Variants in COL25A1 observed in about 807,000 individuals in gnomAD.
The protein encoded by COL25A1 is collagen alpha-1(XXV) chain.
A neutral mutation model predicts 128.4 loss-of-function variants in COL25A1; 103 were observed. The ratio of observed to expected loss-of-function variants is 0.80; its 90% confidence interval spans 0.68 to 0.94. COL25A1 has a LOEUF of 0.94. Ranked by LOEUF, COL25A1 falls within the 40% of genes least tolerant of loss-of-function variation. The probability of loss-of-function intolerance (pLI) is 0.00; values close to 1 mark genes in which losing one functional copy is unlikely to be tolerated. For synonymous variants in COL25A1, 279 were observed against 277.2 expected, an observed-to-expected ratio of 1.01 and a Z score of -0.06; for missense variants, 745 against 840.0, an observed-to-expected ratio of 0.89 and a Z score of 1.40.
chr4:108,967,029 T>A (rs761541731), intron 8 of COL25A1, among the ~76,000 whole-genome samples: 13 of 152,124 alleles, frequency 8.5e-5, no homozygotes, highest in Non-Finnish European at 1.6e-4. Context: ...CTTTACAGGA[T>A]AAATGAGAGA....
chr4:108,922,496 A>G (rs1745595965), intron 11 of COL25A1, among the ~76,000 whole-genome samples: 1 of 152,222 alleles, frequency 6.6e-6, no homozygotes, highest in South Asian at 2.1e-4. Flanking sequence ...TGTCTATTTC[A>G]TCACACGGAT....
intron 16 of COL25A1, among the ~76,000 whole-genome samples, chr4:108,892,924 C>T (rs934118258): frequency 1.3e-5 from 2 of 151,934 alleles, no homozygotes; most frequent in African/African-American, 2.4e-5. Flanking sequence ...AGTCAGGGGG[C>T]GGAGGACAGA....
At chr4:108,911,848 C>T (rs948451743) in intron 13 of COL25A1, among the ~76,000 whole-genome samples, 9 of 142,342 alleles carry the variant, frequency 6.3e-5, no homozygotes, top group African/African-American at 2.4e-4. Context: ...GCTTTACTTC[C>T]TCAGCTACCC....
At chr4:108,848,870 A>C in intron 26 of COL25A1, 67 bp from the exon 27 acceptor site, 1 of 1,231,390 alleles carries the variant, frequency 8.1e-7, no homozygotes, top group Non-Finnish European at 1.2e-6. Flanking sequence ...ACATAAAAAA[A>C]CGATGCTAGT....
chr4:109,162,968 T>C (rs1267964377), intron 3 of COL25A1, among the ~76,000 whole-genome samples: 1 of 152,220 alleles, frequency 6.6e-6, no homozygotes, highest in African/African-American at 2.4e-5. Flanking sequence ...CATGCATTAG[T>C]TCCTATGTCC....
At chr4:108,981,133 T>C (rs1050282461) in intron 6 of COL25A1, among the ~76,000 whole-genome samples, 1 of 152,230 alleles carries the variant, frequency 6.6e-6, no homozygotes, top group Non-Finnish European at 1.5e-5. Context: ...CAAATAGTAT[T>C]AACAATTGAA....
chr4:109,272,663 T>C (rs1344665546), intron 3 of COL25A1, among the ~76,000 whole-genome samples: 5 of 152,172 alleles, frequency 3.3e-5, no homozygotes, highest in African/African-American at 1.2e-4. Context: ...AGAAATTAAA[T>C]AATTGAGATG....
intron 16 of COL25A1, among the ~76,000 whole-genome samples, chr4:108,891,367 C>G (rs1285267008): frequency 6.6e-6 from 1 of 152,172 alleles, no homozygotes; most frequent in Non-Finnish European, 1.5e-5. Context: ...TACTGTCTTA[C>G]TGTAGAATGA....
chr4:109,268,336 G>C (rs985306253), intron 3 of COL25A1, among the ~76,000 whole-genome samples: 1 of 151,990 alleles, frequency 6.6e-6, no homozygotes, highest in Non-Finnish European at 1.5e-5. Flanking sequence ...GTATCCATTT[G>C]ATGCTGTAAA....
chr4:108,868,402 C>T (rs1372690537), intron 20 of COL25A1, among the ~76,000 whole-genome samples: 1 of 151,394 alleles, frequency 6.6e-6, no homozygotes, highest in Non-Finnish European at 1.5e-5. Flanking sequence ...ATATGGTCAC[C>T]TAAATTACCA....
At position 108,809,097 on chromosome 4, in the gene COL25A1, T is replaced by C. The variant is rs970496685; in HGVS notation, c.*4830A>G. On this transcript the variant is annotated 3_prime_UTR_variant, in exon 38 of 38. Transcript: ENST00000399132. The stretch of plus-strand genomic sequence containing the variant: ...CAGGTTTGTGCCATATTTACAGTGA[T>C]AAGACACAACACATTCTTAGAATAA... The C allele has an allele frequency of 9.2e-5, 14 of 152,180 alleles. No individual in the cohort carries two copies. Among genetic ancestry groups the C allele is most frequent in the Admixed American group, 7.2e-4 (11 of 15,278 alleles). The allele number at this position is 152,180 out of a possible 1,614,324, so 9.4% of individuals were successfully genotyped here.
chr4:108,899,560 T>C (rs902291486), intron 14 of COL25A1, among the ~76,000 whole-genome samples: 3 of 152,154 alleles, frequency 2.0e-5, no homozygotes, highest in Non-Finnish European at 4.4e-5. Context: ...TGGACTAGCA[T>C]GTTTTTCTGA....
At chr4:108,882,259 C>CTTT (rs10630143) in intron 19 of COL25A1, among the ~76,000 whole-genome samples, 2,629 of 143,374 alleles carry the variant, frequency 0.018, 59 homozygotes, top group East Asian at 0.069. Context: ...ATCAAAATTG[C>CTTT]TTTTTTTTTT....
chr4:109,026,426 G>C (rs746053257), intron 5 of COL25A1, among the ~76,000 whole-genome samples: 2 of 152,144 alleles, frequency 1.3e-5, no homozygotes, highest in Non-Finnish European at 2.9e-5. Context: ...TAAGCAGTGA[G>C]GTGAGGAAAT....
At chr4:109,046,005 G>A (rs1053215354) in intron 5 of COL25A1, among the ~76,000 whole-genome samples, 6 of 152,090 alleles carry the variant, frequency 3.9e-5, no homozygotes, top group African/African-American at 1.4e-4. Flanking sequence ...AATGATCCAT[G>A]TTATAACACA....
intron 6 of COL25A1, among the ~76,000 whole-genome samples, chr4:109,009,940 CTA>C (rs1408003021): frequency 3.9e-5 from 6 of 152,262 alleles, no homozygotes; most frequent in Admixed American, 3.9e-4. Flanking sequence ...CAATATCTGT[CTA>C]TAATGAATCA....
In COL25A1 at chr4:108,810,697, A is replaced by G. The variant is rs768044846; in HGVS notation, c.*3230T>C. On this transcript the variant is annotated 3_prime_UTR_variant, in exon 38 of 38. Transcript: ENST00000399132. ...ATAAAGGCATATGATGTATGAAATG[A>G]ATATGAAATAGGAGGATCCATGATC... 2 of 152,010 alleles carry G rather than the reference A, an allele frequency of 1.3e-5. No homozygotes were observed. The highest frequency in any genetic ancestry group is 2.9e-5 in the Non-Finnish European group (2 of 67,856). 9.4% of individuals were successfully genotyped at this position (152,010 alleles called of 1,614,324 possible). A position where few individuals can be genotyped will look rare whatever the true frequency, so the allele number is the denominator to read the frequency against.
At chr4:109,298,542 C>A (rs1725211607) in intron 3 of COL25A1, among the ~76,000 whole-genome samples, 1 of 152,154 alleles carries the variant, frequency 6.6e-6, no homozygotes, top group African/African-American at 2.4e-5. Context: ...GGGCTAGAGC[C>A]AAACCAGGTG....
At chr4:108,903,825 T>G (rs1743142666) in intron 13 of COL25A1, among the ~76,000 whole-genome samples, 2 of 152,112 alleles carry the variant, frequency 1.3e-5, no homozygotes, top group South Asian at 4.1e-4. Context: ...CAATTTTAAT[T>G]ATTTTTGTAG....
Sources: gnomAD v4.1 joint callset for allele counts (sites outside exome capture counted in the v4.1 genomes callset) on GRCh38, gnomAD v4.1.1 for gene constraint, MANE v1.5 for transcripts, NCBI Gene and HGNC (gene_info 2026-07-23, HGNC 2026-07-21) for gene names.